BOC: variants seen among roughly 807,000 people sequenced by gnomAD.
BOC encodes brother of CDO.
BOC carries 76 observed loss-of-function variants against 112.0 expected under a neutral mutation model. That is an observed-to-expected ratio of 0.68 (90% CI 0.56 to 0.82). The LOEUF (loss-of-function observed/expected upper bound fraction) is 0.82, where lower values mean the gene tolerates loss of function less well. Among genes scored for constraint, BOC ranks in the 40% least tolerant of loss-of-function variants. BOC has a pLI of 0.00. For missense variants in BOC, 1,309 were observed against 1,511.7 expected (o/e 0.87, Z 2.22); for synonymous variants, 580 against 599.8 (o/e 0.97, Z 0.48).
chr3:113,254,955 G>T (rs1044093807), intron 4 of BOC, among the ~76,000 whole-genome samples: 6 of 152,112 alleles, frequency 3.9e-5, no homozygotes, highest in African/African-American at 1.4e-4. Context: ...GGAGCCAGAG[G>T]TCAAATCAAC....
chr3:113,270,612 C>T, intron 5 of BOC, 189 bp from the exon 6 acceptor site: 1 of 621,998 alleles, frequency 1.6e-6, no homozygotes, highest in East Asian at 2.9e-5. Flanking sequence ...GCACTCTGTC[C>T]TGCTTGTTGC....
At chr3:113,251,087 A>C (rs1414850212) in intron 4 of BOC, 1 of 603,806 alleles carries the variant, frequency 1.7e-6, no homozygotes. Flanking sequence ...TGGTCAGTGC[A>C]TGGCAGAACT....
intron 4 of BOC, among the ~76,000 whole-genome samples, chr3:113,265,253 C>T (rs373727984): frequency 3.3e-5 from 5 of 152,282 alleles, no homozygotes; most frequent in East Asian, 3.9e-4. Context: ...TGGTGCCAAA[C>T]TCCTTTCAGT....
intron 1 of BOC, among the ~76,000 whole-genome samples, chr3:113,215,041 G>A (rs1249205352): frequency 6.6e-6 from 1 of 152,210 alleles, no homozygotes; most frequent in Non-Finnish European, 1.5e-5. Flanking sequence ...CAGCCCTGAA[G>A]TGTCTCTACA....
chr3:113,245,941 T>C (rs1398258443), intron 2 of BOC, among the ~76,000 whole-genome samples: 1 of 152,200 alleles, frequency 6.6e-6, no homozygotes, highest in Non-Finnish European at 1.5e-5. Flanking sequence ...GTGTTCTCAC[T>C]CTTGATCCAG....
chr3:113,227,321 G>T (rs1941826632), intron 2 of BOC, among the ~76,000 whole-genome samples: 2 of 152,198 alleles, frequency 1.3e-5, no homozygotes, highest in African/African-American at 4.8e-5. Flanking sequence ...GCGCATGGTT[G>T]GTTCTACAGT....
At chr3:113,237,102 A>G (rs1943665990) in intron 2 of BOC, among the ~76,000 whole-genome samples, 1 of 152,204 alleles carries the variant, frequency 6.6e-6, no homozygotes, top group Admixed American at 6.5e-5. Context: ...AGCTTTGTCT[A>G]TAATAAAATT....
intron 7 of BOC, 84 bp downstream of exon 7, chr3:113,272,787 A>G: frequency 6.7e-7 from 1 of 1,487,550 alleles, no homozygotes; most frequent in South Asian, 1.3e-5. Context: ...CAGGCTCACA[A>G]AGGGTTAGCA....
At chr3:113,264,756 A>G (rs138378278) in intron 4 of BOC, among the ~76,000 whole-genome samples, 2 of 152,114 alleles carry the variant, frequency 1.3e-5, no homozygotes, top group South Asian at 2.1e-4. Context: ...GTGAAACTCA[A>G]GTTTTACTCA....
chr3:113,269,626 A>T (rs1947891033), intron 5 of BOC: 1 of 152,194 alleles, frequency 6.6e-6, no homozygotes, highest in South Asian at 2.1e-4. Context: ...TATGTTCATT[A>T]TAGAAAACTT....
chr3:113,256,291 T>G (rs1170224199), intron 4 of BOC, among the ~76,000 whole-genome samples: 2 of 152,152 alleles, frequency 1.3e-5, no homozygotes, highest in Admixed American at 6.5e-5. Flanking sequence ...GGCTGGCTTC[T>G]TATAAAGAGA....
chr3:113,284,525 G>A lies in BOC; in HGVS notation c.2847G>A (p.Pro949=), dbSNP rs562361976. 16 of 1,613,904 alleles carry A rather than the reference G, an allele frequency of 9.9e-6. No individual in the cohort carries two copies. Among genetic ancestry groups the A allele is most frequent in the Middle Eastern group, 1.6e-4 (1 of 6,062 alleles). ...RGCPSAAVGY[P]GMKPQQHCPG... ...GCCCCTCGGCTGCAGTGGGCTACCC[G>A]GGCATGAAGCCCCAGCAGCACTGCC... is the stretch of plus-strand genomic sequence containing the variant. The change falls in exon 17 of 20, where the codon CCG becomes CCA. Residue 949 remains proline (P), a synonymous_variant. Coordinates refer to ENST00000682979, the MANE Select transcript of BOC (RefSeq NM_001378074.1).
intron 2 of BOC, among the ~76,000 whole-genome samples, chr3:113,232,047 A>AG (rs1942695841): frequency 6.6e-6 from 1 of 152,174 alleles, no homozygotes; most frequent in South Asian, 2.1e-4. Context: ...GAACCTCAGC[A>AG]GGGGGATCCT....
At chr3:113,286,442 G>A (rs967804906) in intron 19 of BOC, among the ~76,000 whole-genome samples, 3 of 152,104 alleles carry the variant, frequency 2.0e-5, no homozygotes, top group Non-Finnish European at 2.9e-5. Flanking sequence ...GGCTCAGTGC[G>A]GGAGTCTCTA....
At chr3:113,247,202 A>T (rs1945025743) in intron 2 of BOC, among the ~76,000 whole-genome samples, 1 of 151,538 alleles carries the variant, frequency 6.6e-6, no homozygotes, top group African/African-American at 2.4e-5. Context: ...TTCTTGGGGC[A>T]TGGAAGGAAC....
At chr3:113,218,171 C>T (rs2107593452) in intron 2 of BOC, among the ~76,000 whole-genome samples, 1 of 152,344 alleles carries the variant, frequency 6.6e-6, no homozygotes, top group South Asian at 2.1e-4. Flanking sequence ...GTGGAACCGG[C>T]TGGCCGTGGA....
intron 15 of BOC, among the ~76,000 whole-genome samples, chr3:113,282,648 A>G (rs762946114): frequency 6.6e-6 from 1 of 151,968 alleles, no homozygotes; most frequent in Non-Finnish European, 1.5e-5. Context: ...TCTTTAGGAT[A>G]TAGGTAGAAG....
At chr3:113,257,808 G>A (rs751144847) in intron 4 of BOC, among the ~76,000 whole-genome samples, 7 of 152,106 alleles carry the variant, frequency 4.6e-5, no homozygotes, top group African/African-American at 1.7e-4. Context: ...AATAAGGCAA[G>A]ACCAAAATTC....
chr3:113,236,325 T>TG (rs1431335223), intron 2 of BOC, among the ~76,000 whole-genome samples: 4 of 130,576 alleles, frequency 3.1e-5, no homozygotes, highest in African/African-American at 1.1e-4. Context: ...CATGGAATAC[T>TG]GCTCAGTCAT....
Sources: gnomAD v4.1 joint callset for allele counts (sites outside exome capture counted in the v4.1 genomes callset) on GRCh38, gnomAD v4.1.1 for gene constraint, MANE v1.5 for transcripts, NCBI Gene and HGNC (gene_info 2026-07-23, HGNC 2026-07-21) for gene names.